CWC27: variants seen among roughly 807,000 people sequenced by gnomAD.
CWC27 encodes the protein spliceosome-associated protein CWC27 homolog.
Under a neutral mutation model 63.6 loss-of-function variants are expected in CWC27, and 47 were observed. That is an observed-to-expected ratio of 0.74 (90% confidence interval 0.58 to 0.94). The LOEUF (loss-of-function observed/expected upper bound fraction) is 0.94, where lower values mean the gene tolerates loss of function less well. CWC27 is among the 40% of genes least tolerant of loss of function. The pLI is 0.00. For missense variants in CWC27, 495 were observed against 554.3 expected (o/e 0.89, Z 1.07); for synonymous variants, 175 against 179.8 (o/e 0.97, Z 0.22).
intron 11 of CWC27, among the ~76,000 whole-genome samples, chr5:64,909,292 C>A (rs1013369015): frequency 1.3e-5 from 2 of 152,164 alleles, no homozygotes; most frequent in African/African-American, 4.8e-5. Context: ...GAAACTGAGA[C>A]TGACAGTTTC....
rs564120732 is a variant in CWC27, at chr5:64,777,377, C to T, written c.139+2590C>T. Reference sequence around the variant, plus strand: ...TTAAAAAAATACCAGATAGTGCAGACTGGTCGCAAGATGAGTGTTAGATAA... The same window carrying T: ...TTAAAAAAATACCAGATAGTGCAGATTGGTCGCAAGATGAGTGTTAGATAA... On this transcript the variant is annotated intron_variant, in intron 2 of 13. Transcript: ENST00000381070. 1.2e-4 allele frequency among the ~76,000 whole-genome samples: 18 copies of T among 152,094 alleles called. No homozygotes were observed. In the South Asian group the frequency reaches 3.7e-3, roughly 32 times the overall value.
At chr5:64,772,380 C>T (rs879528671) in intron 1 of CWC27, among the ~76,000 whole-genome samples, 1 of 151,900 alleles carries the variant, frequency 6.6e-6, no homozygotes, top group Non-Finnish European at 1.5e-5. Flanking sequence ...AATCCCAGCA[C>T]TTTGGGAGAC....
chr5:64,998,236 C>T (rs143835767), intron 13 of CWC27, among the ~76,000 whole-genome samples: 2 of 152,200 alleles, frequency 1.3e-5, no homozygotes, highest in African/African-American at 2.4e-5. Context: ...CCATGTACCC[C>T]AGCTGCTTAC....
At chr5:64,945,680 G>C (rs765549889) in intron 11 of CWC27, among the ~76,000 whole-genome samples, 16 of 152,162 alleles carry the variant, frequency 1.1e-4, no homozygotes, top group Non-Finnish European at 1.9e-4. Context: ...TTCCCCAAGA[G>C]CACTAACAGA....
intron 13 of CWC27, among the ~76,000 whole-genome samples, chr5:65,006,960 CAGA>C (rs1241596147): frequency 1.7e-5 from 2 of 121,116 alleles, no homozygotes; most frequent in African/African-American, 6.3e-5. Context: ...TTTAAAAAGA[CAGA>C]AAGAAAGAAA....
At chr5:64,965,597 T>C (rs1748998884) in intron 11 of CWC27, among the ~76,000 whole-genome samples, 1 of 152,240 alleles carries the variant, frequency 6.6e-6, no homozygotes, top group Non-Finnish European at 1.5e-5. Flanking sequence ...CCTTACTTAT[T>C]TGATCTGGGA....
chr5:64,872,961 C>G (rs528039833), intron 10 of CWC27, among the ~76,000 whole-genome samples: 233 of 152,248 alleles, frequency 1.5e-3, no homozygotes, highest in African/African-American at 5.3e-3. Flanking sequence ...CAACAACATA[C>G]TGAGTCACAG....
At chr5:64,975,779 T>C (rs1749218277) in intron 12 of CWC27, among the ~76,000 whole-genome samples, 1 of 152,190 alleles carries the variant, frequency 6.6e-6, no homozygotes, top group African/African-American at 2.4e-5. Context: ...CAATAGCATA[T>C]TTAGGCCAGG....
intron 13 of CWC27, among the ~76,000 whole-genome samples, chr5:64,990,236 ATTTGTTTTTTT>A (rs1749508199): frequency 1.3e-4 from 9 of 71,334 alleles, no homozygotes; most frequent in East Asian, 3.7e-4. Flanking sequence ...TAGAGTTTTT[ATTTGTTTTTTT>A]TTTGTTTTTT....
intron 10 of CWC27, among the ~76,000 whole-genome samples, chr5:64,806,311 A>G (rs566423287): frequency 1.1e-3 from 168 of 152,348 alleles, no homozygotes; most frequent in African/African-American, 4.0e-3. Flanking sequence ...TACGTTAAAT[A>G]CTTTTCTACT....
chr5:64,872,387 A>T (rs1457144833), intron 10 of CWC27, among the ~76,000 whole-genome samples: 1 of 151,672 alleles, frequency 6.6e-6, no homozygotes, highest in Non-Finnish European at 1.5e-5. Context: ...CAGGGCCAAA[A>T]GTTCCTAAAC....
At chr5:64,970,511 C>T (rs1749105429) in intron 11 of CWC27, among the ~76,000 whole-genome samples, 1 of 152,062 alleles carries the variant, frequency 6.6e-6, no homozygotes, top group Non-Finnish European at 1.5e-5. Flanking sequence ...CACGCCCGGC[C>T]GAAAGTAATT....
At chr5:64,919,452 C>T (rs1363921932) in intron 11 of CWC27, among the ~76,000 whole-genome samples, 2 of 152,126 alleles carry the variant, frequency 1.3e-5, no homozygotes, top group Admixed American at 6.5e-5. Flanking sequence ...ATGATCCCAT[C>T]CCAAGGTAGT....
At chr5:64,877,855 TTG>T (rs1241519472) in intron 10 of CWC27, among the ~76,000 whole-genome samples, 1 of 132,186 alleles carries the variant, frequency 7.6e-6, no homozygotes, top group Non-Finnish European at 1.7e-5. Context: ...TTGGATAATT[TTG>T]AAAAATCTCT....
chr5:64,774,212 GT>G (rs758163400), intron 1 of CWC27, among the ~76,000 whole-genome samples: 3 of 152,098 alleles, frequency 2.0e-5, no homozygotes, highest in Non-Finnish European at 4.4e-5. Context: ...CTGGAATATA[GT>G]GGCATGATCA....
chr5:64,905,685 T>C lies in CWC27; in HGVS notation c.1042+20139T>C, dbSNP rs72756900. 3.8e-3 allele frequency among the ~76,000 whole-genome samples: 577 copies of C among 152,256 alleles called. 3 individuals carry two copies. The highest frequency in any genetic ancestry group is 5.6e-3 in the Non-Finnish European group (384 of 68,004). On this transcript the variant is annotated intron_variant, in intron 11 of 13. Transcript: ENST00000381070. ...CTAGATGTAGCACTGAAATTCTTTA[T>C]ATTATTATTACACTTTAAGTTCTAG... is the stretch of plus-strand genomic sequence containing the variant.
intron 10 of CWC27, among the ~76,000 whole-genome samples, chr5:64,839,734 T>C (rs555425751): frequency 3.0e-4 from 45 of 152,206 alleles, no homozygotes; most frequent in Non-Finnish European, 4.7e-4. Context: ...ATGAGATAGA[T>C]TACAGTGGGG....
intron 10 of CWC27, among the ~76,000 whole-genome samples, chr5:64,842,285 C>A (rs1420027351): frequency 6.6e-6 from 1 of 151,984 alleles, no homozygotes; most frequent in Non-Finnish European, 1.5e-5. Context: ...TCTGGCCTTT[C>A]CTACATTGAT....
intron 13 of CWC27, among the ~76,000 whole-genome samples, chr5:65,009,594 G>A (rs184909283): frequency 6.6e-5 from 10 of 152,224 alleles, no homozygotes; most frequent in Admixed American, 4.6e-4. Context: ...GGGTGCCCCC[G>A]CTCTCCCTGC....
Sources: gnomAD v4.1 joint callset for allele counts (sites outside exome capture counted in the v4.1 genomes callset) on GRCh38, gnomAD v4.1.1 for gene constraint, MANE v1.5 for transcripts, NCBI Gene and HGNC (gene_info 2026-07-23, HGNC 2026-07-21) for gene names.